Variants in CFAP54 observed in about 807,000 individuals in gnomAD.
CFAP54 encodes cilia and flagella associated protein 54, also known as cilia- and flagella-associated protein 54.
A neutral mutation model predicts 370.4 loss-of-function variants in CFAP54; 290 were observed. That is an observed-to-expected ratio of 0.78 (90% CI 0.71 to 0.86). The LOEUF (loss-of-function observed/expected upper bound fraction) is 0.86, where lower values mean the gene tolerates loss of function less well. Among genes scored for constraint, CFAP54 ranks in the 40% least tolerant of loss-of-function variants. The pLI is 0.00. For missense variants in CFAP54, 3,399 were observed against 3,528.7 expected, an observed-to-expected ratio of 0.96 and a Z score of 0.93; for synonymous variants, 1,206 against 1,236.5, an observed-to-expected ratio of 0.98 and a Z score of 0.52.
chr12:96,649,804 T>TA, intron 34 of CFAP54, 87 bp from the exon 35 acceptor site: 1 of 765,382 alleles, frequency 1.3e-6, no homozygotes, highest in Non-Finnish European at 2.0e-6. Flanking sequence ...TTATCTGAAT[T>TA]ACTCACTTGA....
At chr12:96,741,654 A>T (rs1028522950) in intron 51 of CFAP54, among the ~76,000 whole-genome samples, 2 of 152,198 alleles carry the variant, frequency 1.3e-5, no homozygotes, top group Non-Finnish European at 2.9e-5. Context: ...TTTCTAAATG[A>T]TTTTAAAGTT....
chr12:96,843,069 T>C (rs1385164472), intron 66 of CFAP54, among the ~76,000 whole-genome samples: 1 of 152,216 alleles, frequency 6.6e-6, no homozygotes, highest in Admixed American at 6.5e-5. Flanking sequence ...GGTTTGCTAC[T>C]GCAGTGGGAG....
At chr12:96,598,981 G>A (rs1278455220) in intron 26 of CFAP54, among the ~76,000 whole-genome samples, 2 of 151,754 alleles carry the variant, frequency 1.3e-5, no homozygotes, top group African/African-American at 2.4e-5. Context: ...AAAACTTGAT[G>A]TTATTGAAAT....
At chr12:96,714,901 A>G (rs1304306531) in intron 48 of CFAP54, among the ~76,000 whole-genome samples, 1 of 152,170 alleles carries the variant, frequency 6.6e-6, no homozygotes, top group African/African-American at 2.4e-5. Context: ...TGATACCCTT[A>G]AGTAGGCAAG....
intron 66 of CFAP54, among the ~76,000 whole-genome samples, chr12:96,831,725 T>C (rs937524821): frequency 2.0e-5 from 3 of 152,196 alleles, no homozygotes; most frequent in Non-Finnish European, 4.4e-5. Context: ...GATGCTATCT[T>C]CATCTGTGAG....
At position 96,553,418 on chromosome 12, in the gene CFAP54, C is replaced by A. The variant is rs1377929044; in HGVS notation, c.2155-764C>A. Among the ~76,000 whole-genome samples, 48 of 150,722 alleles carry A rather than the reference C, an allele frequency of 3.2e-4. 1 individual carries two copies. Among genetic ancestry groups the A allele is most frequent in the Admixed American group, 3.2e-3 (48 of 15,104 alleles). The stretch of plus-strand genomic sequence containing the variant: ...ATGCACAAAATAGTAAAACCAAATT[C>A]AAGGACAGTGGCTACCTCTGGGGCA... On this transcript the variant is annotated intron_variant, in intron 15 of 67. Transcript: ENST00000524981.
At chr12:96,492,056 G>A (rs967084658) in intron 1 of CFAP54, among the ~76,000 whole-genome samples, 6 of 152,086 alleles carry the variant, frequency 3.9e-5, no homozygotes, top group African/African-American at 1.2e-4. Flanking sequence ...CACCTTGCCC[G>A]GCTTATACAT....
intron 65 of CFAP54, among the ~76,000 whole-genome samples, chr12:96,826,346 ATAC>A (rs1202749217): frequency 7.1e-6 from 1 of 140,908 alleles, no homozygotes; most frequent in Non-Finnish European, 1.5e-5. Context: ...TACAATATAT[ATAC>A]TTGAATATAC....
At chr12:96,755,062 A>G (rs1026277137) in intron 56 of CFAP54, among the ~76,000 whole-genome samples, 3 of 152,104 alleles carry the variant, frequency 2.0e-5, no homozygotes, top group Non-Finnish European at 4.4e-5. Context: ...CCTATATTTG[A>G]AGGCTGCAGC....
At position 96,593,136 on chromosome 12, in the gene CFAP54, T is replaced by G. The variant is rs376495241; in HGVS notation, c.3360+499T>G. 4.6e-5 allele frequency among the ~76,000 whole-genome samples: 7 copies of G among 152,328 alleles called. No homozygotes were observed. In the East Asian group the frequency reaches 7.7e-4, roughly 17 times the overall value. On this transcript the variant is annotated intron_variant, in intron 24 of 67. Transcript: ENST00000524981. ...TCTGTCACATTTGTTTCAATTATAA[T>G]ATTGTCTTCATGGAGGCAGGAATGT...
At chr12:96,751,521 A>C (rs1458699061) in intron 55 of CFAP54, among the ~76,000 whole-genome samples, 1 of 152,152 alleles carries the variant, frequency 6.6e-6, no homozygotes, top group Non-Finnish European at 1.5e-5. Flanking sequence ...TTATATATAC[A>C]TATATGTGGC....
chr12:96,562,920 G>C (rs1565897647), intron 17 of CFAP54, among the ~76,000 whole-genome samples: 1 of 152,240 alleles, frequency 6.6e-6, no homozygotes, highest in East Asian at 1.9e-4. Flanking sequence ...TTGAAAATTT[G>C]ATAAAGTTTT....
intron 66 of CFAP54, among the ~76,000 whole-genome samples, chr12:96,834,323 G>T (rs1959179437): frequency 6.6e-6 from 1 of 152,232 alleles, no homozygotes; most frequent in African/African-American, 2.4e-5. Context: ...CAGGCTAGTG[G>T]TGCCTTTGCC....
chr12:96,523,947 T>C (rs1351698928), intron 8 of CFAP54, among the ~76,000 whole-genome samples: 1 of 151,894 alleles, frequency 6.6e-6, no homozygotes, highest in Non-Finnish European at 1.5e-5. Context: ...AAAATTGTAA[T>C]TGTTTAGTGA....
intron 4 of CFAP54, among the ~76,000 whole-genome samples, chr12:96,508,608 A>T (rs1012114260): frequency 2.2e-4 from 12 of 54,062 alleles, no homozygotes; most frequent in South Asian, 7.3e-4. Context: ...TTTTTTTTTT[A>T]AAAGATTATT....
chr12:96,550,150 G>A (rs1025403985), intron 15 of CFAP54, among the ~76,000 whole-genome samples: 3 of 152,154 alleles, frequency 2.0e-5, no homozygotes, highest in Non-Finnish European at 4.4e-5. Flanking sequence ...CCCTATACCT[G>A]CGACATGTTT....
rs748921760 is a variant in CFAP54, at chr12:96,744,100, C to G, written c.7638C>G (p.Ile2546Met). ...ATCCATTACAGCCTTTGAAAAATAT[C>G]TATCTTCCCCATGTCATGTTATTGG... ...YANPLQPLKN[I>M]YLPHVMLLAK... Residue 2546 changes from isoleucine to methionine, a missense_variant, in exon 55 of 68, where the codon ATC becomes ATG. Ile to Met is a conservative substitution (Grantham distance 10). This residue lies in a region of CFAP54 where 2,796 missense variants were observed against 2,869.7 expected (regional missense o/e 0.97). Transcript: ENST00000524981. 2 of 1,609,824 alleles carry G rather than the reference C, an allele frequency of 1.2e-6. No individual in the cohort carries two copies. Among genetic ancestry groups the G allele is most frequent in the South Asian group, 2.2e-5 (2 of 90,660 alleles).
intron 63 of CFAP54, among the ~76,000 whole-genome samples, chr12:96,800,826 C>T (rs1404835470): frequency 6.6e-6 from 1 of 152,096 alleles, no homozygotes; most frequent in Non-Finnish European, 1.5e-5. Flanking sequence ...TTTCATTAGC[C>T]CCCTTTTACA....
intron 38 of CFAP54, among the ~76,000 whole-genome samples, chr12:96,661,776 C>T (rs1027308866): frequency 1.3e-5 from 2 of 151,930 alleles, no homozygotes; most frequent in African/African-American, 2.4e-5. Context: ...TAGATGCTTC[C>T]CTCTCTTTCC....
Sources: allele counts gnomAD v4.1 joint callset (sites outside exome capture counted in the v4.1 genomes callset), GRCh38; gene constraint gnomAD v4.1.1; regional missense constraint gnomAD v4.1.1; transcripts MANE v1.5; gene names NCBI Gene and HGNC (gene_info 2026-07-23, HGNC 2026-07-21).